Variants in TOGARAM1 observed in about 807,000 individuals in gnomAD.
TOGARAM1 encodes the protein TOG array regulator of axonemal microtubules protein 1.
In TOGARAM1, 100 loss-of-function variants were observed where a neutral mutation model predicts 166.6. The ratio of observed to expected loss-of-function variants is 0.60; its 90% CI spans 0.51 to 0.71. The LOEUF (loss-of-function observed/expected upper bound fraction) is 0.71, where lower values mean the gene tolerates loss of function less well. Ranked by LOEUF, TOGARAM1 falls within the 30% of genes least tolerant of loss-of-function variation. The pLI is 0.00. For missense variants in TOGARAM1, 2,029 were observed against 2,102.7 expected (o/e 0.96, Z 0.69); for synonymous variants, 758 against 763.8 (o/e 0.99, Z 0.13).
intron 16 of TOGARAM1, among the ~76,000 whole-genome samples, chr14:45,055,048 T>C (rs1038288969): frequency 6.6e-6 from 1 of 152,082 alleles, no homozygotes; most frequent in Non-Finnish European, 1.5e-5. Context: ...AAACCCTGTC[T>C]CTACCAAAAA....
intron 6 of TOGARAM1, among the ~76,000 whole-genome samples, chr14:45,011,519 GC>G (rs1879791081): frequency 6.6e-6 from 1 of 151,980 alleles, no homozygotes; most frequent in African/African-American, 2.4e-5. Context: ...TTGCGATGGT[GC>G]CCAGGCTGGC....
intron 10 of TOGARAM1, among the ~76,000 whole-genome samples, chr14:45,030,706 C>G (rs964518786): frequency 6.6e-6 from 1 of 152,120 alleles, no homozygotes; most frequent in Non-Finnish European, 1.5e-5. Flanking sequence ...TAATTTAAGG[C>G]ATCATATTTT....
chr14:44,993,400 G>C (rs1887248784), intron 1 of TOGARAM1, among the ~76,000 whole-genome samples: 1 of 152,070 alleles, frequency 6.6e-6, no homozygotes. Flanking sequence ...TTTTTATAAT[G>C]TTTTAATTTA....
chr14:45,030,933 C>A (rs559080045), intron 10 of TOGARAM1, among the ~76,000 whole-genome samples: 1 of 152,270 alleles, frequency 6.6e-6, no homozygotes, highest in South Asian at 2.1e-4. Context: ...ATACCTACCT[C>A]AGCTTTGTTG....
chr14:45,048,725 C>A (rs1352985086), intron 14 of TOGARAM1, among the ~76,000 whole-genome samples: 1 of 151,988 alleles, frequency 6.6e-6, no homozygotes, highest in East Asian at 1.9e-4. Context: ...ACCTATAATC[C>A]CAGCACTTTG....
At chr14:45,026,603 A>C (rs1880855024) in intron 8 of TOGARAM1, among the ~76,000 whole-genome samples, 1 of 152,144 alleles carries the variant, frequency 6.6e-6, no homozygotes, top group South Asian at 2.1e-4. Flanking sequence ...CTGCATGTAA[A>C]CATCCCCATC....
intron 11 of TOGARAM1, among the ~76,000 whole-genome samples, chr14:45,034,265 A>G (rs1240448291): frequency 2.0e-5 from 3 of 152,212 alleles, no homozygotes; most frequent in African/African-American, 2.4e-5. Context: ...GGTGAGCCCT[A>G]CAATTACCCA....
chr14:44,993,796 C>T (rs1887266696), intron 1 of TOGARAM1, among the ~76,000 whole-genome samples: 1 of 152,170 alleles, frequency 6.6e-6, no homozygotes, highest in Non-Finnish European at 1.5e-5. Flanking sequence ...CACACCACCA[C>T]CCTCATCAAC....
intron 3 of TOGARAM1, among the ~76,000 whole-genome samples, chr14:45,001,298 TG>T (rs912675379): frequency 8.1e-4 from 124 of 152,342 alleles, no homozygotes; most frequent in African/African-American, 2.9e-3. Flanking sequence ...GTTATAAAAC[TG>T]CTAGAAGAAA....
intron 1 of TOGARAM1, among the ~76,000 whole-genome samples, chr14:44,991,663 T>C (rs1887141769): frequency 1.3e-5 from 2 of 152,240 alleles, no homozygotes; most frequent in African/African-American, 4.8e-5. Context: ...TAAACAGATA[T>C]GTATTGTCTT....
At chr14:45,071,932 C>A in intron 19 of TOGARAM1, 134 bp downstream of exon 19, 2 of 619,208 alleles carry the variant, frequency 3.2e-6, no homozygotes, top group East Asian at 2.9e-5. Context: ...GTGTAATGAT[C>A]CACAAGAGAA....
At chr14:44,965,204 A>T (rs961463766) in intron 1 of TOGARAM1, among the ~76,000 whole-genome samples, 1 of 152,202 alleles carries the variant, frequency 6.6e-6, no homozygotes, top group Non-Finnish European at 1.5e-5. Flanking sequence ...CTCGGCATAT[A>T]TCTCCTAAGA....
rs181417476 is a variant in TOGARAM1, at chr14:45,049,984, G to A, written c.4314-2452G>A. Among the ~76,000 whole-genome samples the A allele has an allele frequency of 1.4e-4, 22 of 151,964 alleles. No individual in the cohort carries two copies. In the East Asian group the frequency reaches 3.5e-3, roughly 24 times the overall value. The stretch of plus-strand genomic sequence containing the variant: ...TATAAAATGGTTACAATTAATTTTC[G>A]AGTTTTGTATTTCTCACATTTTGTG... On this transcript the variant is annotated intron_variant, in intron 14 of 19. Transcript: ENST00000361462.
intron 16 of TOGARAM1, among the ~76,000 whole-genome samples, chr14:45,064,640 C>T (rs1306113345): frequency 6.6e-6 from 1 of 152,004 alleles, no homozygotes; most frequent in Non-Finnish European, 1.5e-5. Flanking sequence ...CCCTGTCACT[C>T]AGCTAGTTTT....
chr14:45,070,182 A>C (rs1883317739), intron 18 of TOGARAM1, among the ~76,000 whole-genome samples: 1 of 151,890 alleles, frequency 6.6e-6, no homozygotes, highest in South Asian at 2.1e-4. Context: ...ACTCCATCTC[A>C]AAAAAAAGAA....
At chr14:45,032,740 C>T (rs936799367) in intron 11 of TOGARAM1, among the ~76,000 whole-genome samples, 1 of 152,092 alleles carries the variant, frequency 6.6e-6, no homozygotes, top group East Asian at 1.9e-4. Flanking sequence ...AGCAGCCAAC[C>T]AACCAGCCCA....
chr14:45,011,959 C>T lies in TOGARAM1; in HGVS notation c.3138-16C>T, dbSNP rs1393038158. On this transcript the variant is annotated splice_polypyrimidine_tract_variant and intron_variant, in intron 6 of 19. Coordinates refer to ENST00000361462, the MANE Select transcript of TOGARAM1 (RefSeq NM_001308120.2). ...TAAATCTTAATGTTTATTGAAATTA[C>T]TTTGTTTCATTGCAGGTCAGACATA... 2 of 1,562,612 alleles carry T rather than the reference C, an allele frequency of 1.3e-6. No homozygotes were observed. The highest frequency in any genetic ancestry group is 1.7e-6 in the Non-Finnish European group (2 of 1,144,898).
chr14:45,065,327 A>G (rs1883090606), intron 16 of TOGARAM1, among the ~76,000 whole-genome samples: 1 of 152,198 alleles, frequency 6.6e-6, no homozygotes, highest in Non-Finnish European at 1.5e-5. Flanking sequence ...TTCCCTTGCC[A>G]CACTGCAGAA....
rs1029417130 is a variant in TOGARAM1, at chr14:45,043,938, T to C, written c.3918+147T>C. ...TTAATTAAAGTAGTCCATGTCTTAA[T>C]TTGCAACATTAAGAGAAACTTAATA... On this transcript the variant is annotated intron_variant, in intron 12 of 19. Coordinates refer to ENST00000361462, the MANE Select transcript of TOGARAM1 (RefSeq NM_001308120.2). 2.4e-5 allele frequency: 14 copies of C among 571,662 alleles called. No individual in the cohort carries two copies. The African/African-American group carries it at 2.5e-4, about 10-fold the overall frequency. 35.4% of individuals were successfully genotyped at this position (571,662 alleles called of 1,614,324 possible).
Sources: allele counts gnomAD v4.1 joint callset (sites outside exome capture counted in the v4.1 genomes callset), GRCh38; gene constraint gnomAD v4.1.1; transcripts MANE v1.5; gene names NCBI Gene and HGNC (gene_info 2026-07-23, HGNC 2026-07-21).